Variants in BNC2 observed in about 807,000 individuals in gnomAD.
BNC2 encodes zinc finger protein basonuclin-2.
Under a neutral mutation model 76.3 loss-of-function variants are expected in BNC2, and 20 were observed. That is an observed-to-expected ratio of 0.26 (90% CI 0.18 to 0.38). The LOEUF is 0.38. Among genes scored for constraint, BNC2 ranks in the 10% least tolerant of loss-of-function variants. The pLI, the probability that BNC2 is intolerant of heterozygous loss-of-function variation, is 1.00. For synonymous variants in BNC2, 582 were observed against 514.8 expected (o/e 1.13, Z -1.77); for missense variants, 1,382 against 1,399.8 (o/e 0.99, Z 0.20).
At chr9:16,576,453 C>T (rs1249543437) in intron 4 of BNC2, among the ~76,000 whole-genome samples, 2 of 152,130 alleles carry the variant, frequency 1.3e-5, no homozygotes, top group Admixed American at 6.5e-5. Context: ...GACTGGACTA[C>T]TTTAGTTATG....
chr9:16,847,296 CGTTTATTT>C (rs2136133303), intron 1 of BNC2, among the ~76,000 whole-genome samples: 1 of 150,154 alleles, frequency 6.7e-6, no homozygotes, highest in South Asian at 2.1e-4. Flanking sequence ...GGAGTGTGTG[CGTTTATTT>C]TTTTTATTTA....
rs1223174339 is a variant in BNC2, at chr9:16,629,818, G to C, written c.331-46733C>G. 2.6e-5 allele frequency among the ~76,000 whole-genome samples: 4 copies of C among 152,308 alleles called. No individual in the cohort carries two copies. The East Asian group carries it at 7.7e-4, about 29-fold the overall frequency. The stretch of plus-strand genomic sequence containing the variant: ...TAACAATCGTCTGAGCCTTCAGTGA[G>C]GTGTAATCTTTTTGCTGGCAGAGGG... On this transcript the variant is annotated intron_variant, in intron 3 of 6. Coordinates refer to ENST00000380672, the MANE Select transcript of BNC2 (RefSeq NM_017637.6).
intron 3 of BNC2, among the ~76,000 whole-genome samples, chr9:16,656,000 T>C (rs1338052877): frequency 6.6e-6 from 1 of 152,128 alleles, no homozygotes; most frequent in Admixed American, 6.5e-5. Flanking sequence ...CAAGGCAGTG[T>C]TCTTAATAGG....
intron 3 of BNC2, among the ~76,000 whole-genome samples, chr9:16,588,689 T>A (rs1441045195): frequency 1.3e-5 from 2 of 152,204 alleles, no homozygotes; most frequent in African/African-American, 4.8e-5. Flanking sequence ...GAATATTAAA[T>A]AAAAGTACAT....
chr9:16,660,288 C>G (rs1407828573), intron 3 of BNC2, among the ~76,000 whole-genome samples: 1 of 152,120 alleles, frequency 6.6e-6, no homozygotes, highest in Non-Finnish European at 1.5e-5. Flanking sequence ...AACTCTGTCT[C>G]TACTAAAAAT....
In BNC2 at chr9:16,506,513, CTTTTTTT is replaced by C. The variant is rs568955982; in HGVS notation, c.669+46010_669+46016del. 0.028 allele frequency among the ~76,000 whole-genome samples: 1,222 copies of C among 43,274 alleles called. 66 individuals are homozygous for C. The South Asian group carries it at 0.33, about 12-fold the overall frequency. 28.4% of individuals were successfully genotyped at this position (43,274 alleles called of 152,430 possible). A position where few individuals can be genotyped will look rare whatever the true frequency, so the allele number is the denominator to read the frequency against. On this transcript the variant is annotated intron_variant, in intron 5 of 6. Transcript: ENST00000380672. ...GTACACTTCTCTCTCTCTCTCTCCT[CTTTTTTT>C]TTTTTTTTTTTTTTTTTTTTTTTTG... is the stretch of plus-strand genomic sequence containing the variant.
chr9:16,732,157 C>CAAAAAAAA (rs143619331), intron 2 of BNC2, among the ~76,000 whole-genome samples: 18 of 43,900 alleles, frequency 4.1e-4, no homozygotes, highest in African/African-American at 1.3e-3. Context: ...CCATTTCCTG[C>CAAAAAAAA]AAAAAAAAAA....
Position 16,419,444 on chromosome 9 carries a change from A to G in BNC2, c.2845T>C (p.Tyr949His). The change falls in exon 7 of 7, where the codon TAT becomes CAT. Residue 949 changes from tyrosine (Y) to histidine (H), a missense_variant. By Grantham distance (83) the Tyr-to-His change is moderately conservative (BLOSUM62 2). This residue lies in a region of BNC2 where 798 missense variants were observed against 775.5 expected (regional missense o/e 1.03). Transcript: ENST00000380672. The stretch of plus-strand genomic sequence containing the variant: ...TAGTCCTCTGCCATGCCTCTCCCAT[A>G]CCCGTTCAGGTGGGAGTCTTCAGTC... ...AGTEDSHLNG[Y>H]GRGMAEDYMV... 6.2e-7 allele frequency: 1 copy of G among 1,611,726 alleles called. No individual in the cohort carries two copies.
At chr9:16,642,136 A>C (rs1231069774) in intron 3 of BNC2, among the ~76,000 whole-genome samples, 1 of 152,204 alleles carries the variant, frequency 6.6e-6, no homozygotes, top group Non-Finnish European at 1.5e-5. Flanking sequence ...TACCTTGCCA[A>C]CATGCTCCTT....
rs1345308360 is a variant in BNC2 at position 16,435,440 on chromosome 9, T to C, written c.2639+115A>G. 5.5e-6 allele frequency: 7 copies of C among 1,281,338 alleles called. No individual in the cohort carries two copies. The African/African-American group carries it at 8.8e-5, about 16-fold the overall frequency. 79.4% of individuals were successfully genotyped at this position (1,281,338 alleles called of 1,614,324 possible). ...GTTATCACATGATCACTGTGGACAA[T>C]CTTTACAGTGCACCAAAAACATCTA... On this transcript the variant is annotated intron_variant, in intron 6 of 6. Transcript: ENST00000380672.
chr9:16,835,510 C>T (rs1818686040), intron 1 of BNC2, among the ~76,000 whole-genome samples: 1 of 151,800 alleles, frequency 6.6e-6, no homozygotes, highest in African/African-American at 2.4e-5. Context: ...GCCAGCCTGA[C>T]CAACATGGTG....
intron 4 of BNC2, among the ~76,000 whole-genome samples, chr9:16,570,040 C>T (rs146783413): frequency 6.6e-6 from 1 of 152,198 alleles, no homozygotes; most frequent in Admixed American, 6.5e-5. Flanking sequence ...AACAAAAATA[C>T]GAATTCTTCT....
At chr9:16,729,056 AATTCT>A (rs1403394168) in intron 2 of BNC2, among the ~76,000 whole-genome samples, 1 of 152,224 alleles carries the variant, frequency 6.6e-6, no homozygotes, top group Non-Finnish European at 1.5e-5. Context: ...CTCTGTGGAA[AATTCT>A]ATAACGTTTT....
chr9:16,810,328 A>G (rs1336352860), intron 1 of BNC2, among the ~76,000 whole-genome samples: 3 of 152,336 alleles, frequency 2.0e-5, no homozygotes, highest in Non-Finnish European at 1.5e-5. Context: ...GACACAAGAC[A>G]GGCATTCACT....
At position 16,864,969 on chromosome 9, in the gene BNC2, C is replaced by T. The variant is rs187197114; in HGVS notation, c.3+5677G>A. Among the ~76,000 whole-genome samples, 4 of 142,616 alleles carry T rather than the reference C, an allele frequency of 2.8e-5. No individual in the cohort carries two copies. In the Admixed American group the frequency reaches 2.9e-4, roughly 10 times the overall value. 93.6% of individuals were successfully genotyped at this position (142,616 alleles called of 152,430 possible). A position where few individuals can be genotyped will look rare whatever the true frequency, so the allele number is the denominator to read the frequency against. On this transcript the variant is annotated intron_variant, in intron 1 of 6. Coordinates refer to ENST00000380672, the MANE Select transcript of BNC2 (RefSeq NM_017637.6). ...GAAAGGACAGCACATCGTCGAGTCACAATATTTAAAACAGCTTGCTATACA... is the reference window on the plus strand; with the variant it reads ...GAAAGGACAGCACATCGTCGAGTCATAATATTTAAAACAGCTTGCTATACA...
chr9:16,582,904 C>CACAT (rs1178858336), intron 4 of BNC2, 79 bp downstream of exon 4: 1 of 900,082 alleles, frequency 1.1e-6, no homozygotes, highest in Non-Finnish European at 1.8e-6. Context: ...CACACACACA[C>CACAT]ACACACACAC....
chr9:16,597,163 A>T (rs1242587446), intron 3 of BNC2, among the ~76,000 whole-genome samples: 1 of 152,172 alleles, frequency 6.6e-6, no homozygotes, highest in Non-Finnish European at 1.5e-5. Context: ...AAATTCCAAT[A>T]ATTCTGAACT....
intron 3 of BNC2, among the ~76,000 whole-genome samples, chr9:16,622,844 G>C (rs959391134): frequency 6.6e-6 from 1 of 151,962 alleles, no homozygotes; most frequent in South Asian, 2.1e-4. Context: ...AACAATTTCA[G>C]GTGACAATTT....
At chr9:16,724,854 G>GT (rs1399153758) in intron 3 of BNC2, among the ~76,000 whole-genome samples, 2 of 151,996 alleles carry the variant, frequency 1.3e-5, no homozygotes. Flanking sequence ...TAAATTATCT[G>GT]TAACTCAGTT....
Sources: gnomAD v4.1 joint callset for allele counts (sites outside exome capture counted in the v4.1 genomes callset) on GRCh38, gnomAD v4.1.1 for gene constraint, gnomAD v4.1.1 regional missense constraint, MANE v1.5 for transcripts, NCBI Gene and HGNC (gene_info 2026-07-23, HGNC 2026-07-21) for gene names.